Variants in ZMYM6 observed in about 807,000 individuals in gnomAD.
The protein encoded by ZMYM6 is zinc finger MYM-type containing 6.
ZMYM6 carries 90 observed loss-of-function variants against 134.0 expected under a neutral mutation model. The ratio of observed to expected loss-of-function variants is 0.67; its 90% CI spans 0.57 to 0.80. The LOEUF is 0.80. Ranked by LOEUF, ZMYM6 falls within the 30% of genes least tolerant of loss-of-function variation. ZMYM6 has a pLI of 0.00. For missense variants in ZMYM6, 1,362 were observed against 1,533.9 expected (o/e 0.89, Z 1.87); for synonymous variants, 481 against 524.1 (o/e 0.92, Z 1.12).
intron 2 of ZMYM6, among the ~76,000 whole-genome samples, chr1:35,023,865 G>A (rs1195030268): frequency 6.6e-6 from 1 of 152,024 alleles, no homozygotes. Flanking sequence ...CTCGTGATCT[G>A]CCCGTCTCGG....
At chr1:34,990,537 T>C (rs1281505511) in intron 15 of ZMYM6, among the ~76,000 whole-genome samples, 2 of 152,132 alleles carry the variant, frequency 1.3e-5, no homozygotes, top group African/African-American at 4.8e-5. Flanking sequence ...ACACTTCCAC[T>C]GATTAGGATT....
At chr1:35,014,420 T>C (rs1005583404) in intron 6 of ZMYM6, among the ~76,000 whole-genome samples, 1 of 152,122 alleles carries the variant, frequency 6.6e-6, no homozygotes, top group Non-Finnish European at 1.5e-5. Flanking sequence ...CTGAGCAACA[T>C]GGCAAAACCC....
At chr1:35,025,446 T>A (rs1411808692) in intron 2 of ZMYM6, among the ~76,000 whole-genome samples, 3 of 89,682 alleles carry the variant, frequency 3.3e-5, no homozygotes, top group Non-Finnish European at 4.1e-5. Context: ...CAGCCTGGGC[T>A]ACAAAGCAAG....
At chr1:35,011,758 TG>T in intron 8 of ZMYM6, 131 bp downstream of exon 8, 1 of 536,698 alleles carries the variant, frequency 1.9e-6, no homozygotes, top group Non-Finnish European at 2.9e-6. Flanking sequence ...GTTGGGCCCC[TG>T]GATGAAACAA....
chr1:35,015,743 A>AAAAAAAAAATATATATAT, intron 4 of ZMYM6, among the ~76,000 whole-genome samples: 9 of 106,466 alleles, frequency 8.5e-5, no homozygotes, highest in African/African-American at 5.9e-4. Flanking sequence ...AAAAAAAAAA[A>AAAAAAAAAATATATATAT]ATATATATAT....
chr1:35,010,051 C>G (rs902314995), intron 10 of ZMYM6, among the ~76,000 whole-genome samples: 20 of 152,058 alleles, frequency 1.3e-4, no homozygotes, highest in Non-Finnish European at 2.6e-4. Flanking sequence ...CGCTCGTCGC[C>G]CAGGCTGCAG....
intron 2 of ZMYM6, among the ~76,000 whole-genome samples, chr1:35,026,794 C>T (rs535285534): frequency 4.1e-4 from 63 of 152,264 alleles, no homozygotes; most frequent in African/African-American, 1.4e-3. Flanking sequence ...GAAAGAGGCT[C>T]TTTTATTCCA....
intron 15 of ZMYM6, 185 bp downstream of exon 15, chr1:34,992,049 A>G (rs1357553740): frequency 1.5e-5 from 11 of 745,944 alleles, no homozygotes; most frequent in Admixed American, 2.4e-5. Flanking sequence ...GCTTGTTATG[A>G]TAGCTGGTTA....
Position 34,988,800 on chromosome 1 carries a change from T to C in ZMYM6, c.2282A>G (p.Glu761Gly), listed in dbSNP as rs1399069121. The C allele has an allele frequency of 8.4e-6, 13 of 1,553,310 alleles. No individual in the cohort carries two copies. Among genetic ancestry groups the C allele is most frequent in the Non-Finnish European group, 1.1e-5 (13 of 1,147,798 alleles). ...VGFIICPGSKESSPRPQCVIC... is the reference protein window; with the variant it reads ...VGFIICPGSKGSSPRPQCVIC... ...GACACACTGTGGCCTTGGTGAACTT[T>C]CTTTTGATCCAGGACAGATAATAAA... is the stretch of plus-strand genomic sequence containing the variant. The change falls in exon 16 of 16, where the codon GAA (glutamate) becomes GGA (glycine). Residue 761 changes from glutamate (E) to glycine (G), a missense_variant. This residue lies in a region of ZMYM6 where 824 missense variants were observed against 940.9 expected (regional missense o/e 0.88). Transcript: ENST00000357182.
rs1557552823 is a variant in ZMYM6, at chr1:34,987,899, A to C, written c.3183T>G (p.His1061Gln). 1.3e-6 allele frequency: 2 copies of C among 1,551,694 alleles called. No homozygotes were observed. Among genetic ancestry groups the C allele is most frequent in the Non-Finnish European group, 1.7e-6 (2 of 1,146,978 alleles). ...CTTCAGCATGAAGCGGTAAACTCAC[A>C]TGCTCAGATCCCATCTCTTCACACA... Reference protein sequence around the residue: ...TILCEEMGSEHVSLPLHAEVR... With the variant: ...TILCEEMGSEQVSLPLHAEVR... The change falls in exon 16 of 16, where the codon CAT becomes CAG. Residue 1061 changes from histidine (H) to glutamine (Q), a missense_variant. Transcript: ENST00000357182.
intron 2 of ZMYM6, among the ~76,000 whole-genome samples, chr1:35,027,232 T>C (rs900173961): frequency 2.6e-5 from 4 of 152,114 alleles, no homozygotes; most frequent in African/African-American, 9.7e-5. Context: ...GTGGAAACAA[T>C]GAATGATGAC....
intron 2 of ZMYM6, among the ~76,000 whole-genome samples, chr1:35,025,111 GCCACCTA>G (rs1435832163): frequency 6.6e-6 from 1 of 151,660 alleles, no homozygotes; most frequent in East Asian, 2.0e-4. Flanking sequence ...CCTCAAGTGA[GCCACCTA>G]CCTCGGCCTC....
Position 35,012,492 on chromosome 1 carries a change from T to A in ZMYM6, c.885A>T (p.Thr295=). 1 of 1,613,176 alleles carries A rather than the reference T, an allele frequency of 6.2e-7. No individual in the cohort carries two copies. The highest frequency in any genetic ancestry group is 8.5e-7 in the Non-Finnish European group (1 of 1,179,660). Residue 295 remains threonine (T), a synonymous_variant, in exon 7 of 16, where the codon ACA becomes ACT. Transcript: ENST00000357182. The part of the protein sequence containing the change: ...MIETTNDSGK[T]ELFCSINCLS... ...AGCAATTAATAGAGCAGAAAAGCTCTGTTTTTCCTGAATCATTTGTAGTCT... is the reference window on the plus strand; with the variant it reads ...AGCAATTAATAGAGCAGAAAAGCTCAGTTTTTCCTGAATCATTTGTAGTCT...
chr1:35,013,681 GT>G (rs773774403), intron 6 of ZMYM6: 232 of 939,872 alleles, frequency 2.5e-4, no homozygotes, highest in East Asian at 6.0e-4. Context: ...ATACATCTTT[GT>G]TTTTTTTTTT....
chr1:35,012,649 A>G (rs781607584), intron 6 of ZMYM6, 68 bp from the exon 7 acceptor site: 21 of 1,566,906 alleles, frequency 1.3e-5, no homozygotes, highest in Non-Finnish European at 1.8e-5. Flanking sequence ...TCAAAAAAGT[A>G]AAAAGAAAAG....
At position 35,010,884 on chromosome 1, in the gene ZMYM6, A is replaced by G. The variant is rs766845382; in HGVS notation, c.1215T>C (p.Ala405=). ...CAGCAAGAGGTTGGAGGCTGGCTGC[A>G]GCAGAGCCACGGATGGAGCTGGGGG... ...AVSPSSIRGS[A]AASLQPLAEQ... is the part of the protein sequence containing the mutation. Residue 405 remains alanine, a synonymous_variant, in exon 9 of 16, where the codon GCT becomes GCC. Transcript: ENST00000357182. The G allele has an allele frequency of 6.2e-6, 10 of 1,613,950 alleles. No individual in the cohort carries two copies. The highest frequency in any genetic ancestry group is 7.6e-6 in the Non-Finnish European group (9 of 1,179,986).
At chr1:35,010,124 C>T (rs1641058311) in intron 10 of ZMYM6, among the ~76,000 whole-genome samples, 1 of 152,080 alleles carries the variant, frequency 6.6e-6, no homozygotes, top group Non-Finnish European at 1.5e-5. Flanking sequence ...ATTCTCCTGC[C>T]TCAGGCTCCC....
intron 2 of ZMYM6, 30 bp downstream of exon 2, chr1:35,030,517 T>A (rs561061086): frequency 3.4e-5 from 54 of 1,576,830 alleles, no homozygotes; most frequent in African/African-American, 2.8e-4. Context: ...GGAATTTTTT[T>A]AAATTTTTAA....
intron 4 of ZMYM6, among the ~76,000 whole-genome samples, chr1:35,015,972 G>T (rs1432335937): frequency 6.9e-6 from 1 of 145,178 alleles, no homozygotes; most frequent in Non-Finnish European, 1.5e-5. Flanking sequence ...TTGTGAGACG[G>T]AGTCTCGCTC....
Sources: allele counts gnomAD v4.1 joint callset (sites outside exome capture counted in the v4.1 genomes callset), GRCh38; gene constraint gnomAD v4.1.1; regional missense constraint gnomAD v4.1.1; transcripts MANE v1.5; gene names NCBI Gene and HGNC (gene_info 2026-07-23, HGNC 2026-07-21).